Variants in TMEM132C observed in about 807,000 individuals in gnomAD.
The protein encoded by TMEM132C is protein phosphatase 1, regulatory subunit 152.
A neutral mutation model predicts 61.4 loss-of-function variants in TMEM132C; 29 were observed. The observed-to-expected ratio is 0.47, with a 90% CI of 0.35 to 0.64. The LOEUF (loss-of-function observed/expected upper bound fraction) is 0.64. Ranked by LOEUF, TMEM132C falls within the 30% of genes least tolerant of loss-of-function variation. The pLI is 0.00. For synonymous variants in TMEM132C, 656 were observed against 633.1 expected, an observed-to-expected ratio of 1.04 and a Z score of -0.54; for missense variants, 1,408 against 1,476.9, an observed-to-expected ratio of 0.95 and a Z score of 0.76.
chr12:128,543,920 C>T lies in TMEM132C; in HGVS notation c.975-37C>T, dbSNP rs774599484. Reference sequence around the variant, plus strand: ...GCACGTTGGAAAGGCCAAGCCTTAACCCTGTCTCTCTCTCTCTCCCATCTT... The same window carrying T: ...GCACGTTGGAAAGGCCAAGCCTTAATCCTGTCTCTCTCTCTCTCCCATCTT... On this transcript the variant is annotated intron_variant, in intron 2 of 8. Transcript: ENST00000435159. The T allele has an allele frequency of 1.2e-5, 19 of 1,539,308 alleles. No individual in the cohort carries two copies. The East Asian group carries it at 3.8e-4, about 30-fold the overall frequency.
rs1009886818 is a variant in TMEM132C at position 128,267,215 on chromosome 12, C to CGCCAGA, written c.-178_-173dup. Reference sequence around the variant, plus strand: ...GCGCGAGCAGCGGCGGAGCCGGAGCCGCCAGAGCCAGAGCCGGAGCTGCGG... The same window carrying CGCCAGA: ...GCGCGAGCAGCGGCGGAGCCGGAGCCGCCAGAGCCAGAGCCAGAGCCGGAGCTGCGG... On this transcript the variant is annotated 5_prime_UTR_variant, in exon 1 of 9. Transcript: ENST00000435159. 2.2e-4 allele frequency among the ~76,000 whole-genome samples: 33 copies of CGCCAGA among 146,910 alleles called. No homozygotes were observed. Among genetic ancestry groups the CGCCAGA allele is most frequent in the African/African-American group, 8.1e-4 (33 of 40,866 alleles).
intron 1 of TMEM132C, among the ~76,000 whole-genome samples, chr12:128,330,918 A>G (rs1446172338): frequency 1.3e-5 from 2 of 152,230 alleles, no homozygotes; most frequent in Admixed American, 6.5e-5. Context: ...TATACTTAAA[A>G]AGAGAGAATA....
chr12:128,433,589 T>C (rs1869472251), intron 2 of TMEM132C, among the ~76,000 whole-genome samples: 1 of 152,210 alleles, frequency 6.6e-6, no homozygotes, highest in Non-Finnish European at 1.5e-5. Flanking sequence ...AGATAAGTTT[T>C]CCTAAACTGG....
chr12:128,518,452 T>C (rs1872791441), intron 2 of TMEM132C, among the ~76,000 whole-genome samples: 1 of 152,176 alleles, frequency 6.6e-6, no homozygotes, highest in Admixed American at 6.5e-5. Flanking sequence ...TCTTAGAGAC[T>C]GAGGGTTGTT....
intron 1 of TMEM132C, among the ~76,000 whole-genome samples, chr12:128,343,154 G>A (rs1873032859): frequency 6.6e-6 from 1 of 152,140 alleles, no homozygotes; most frequent in Non-Finnish European, 1.5e-5. Context: ...GGCCAGGTGC[G>A]ATGGCTCATG....
chr12:128,452,219 C>T (rs965477829), intron 2 of TMEM132C, among the ~76,000 whole-genome samples: 2 of 151,822 alleles, frequency 1.3e-5, no homozygotes, highest in Admixed American at 6.6e-5. Context: ...CTCAGGCTCC[C>T]GAGTAATAGC....
intron 1 of TMEM132C, among the ~76,000 whole-genome samples, chr12:128,332,390 C>G (rs1426016722): frequency 6.6e-6 from 1 of 152,210 alleles, no homozygotes; most frequent in Non-Finnish European, 1.5e-5. Context: ...TTAAGAGCCA[C>G]ATCAGTTTTC....
chr12:128,498,874 G>T (rs917396892), intron 2 of TMEM132C, among the ~76,000 whole-genome samples: 1 of 152,008 alleles, frequency 6.6e-6, no homozygotes, highest in Non-Finnish European at 1.5e-5. Flanking sequence ...AATAAAAGAA[G>T]ATCTGAATAA....
In TMEM132C at chr12:128,340,751, TTTTC is replaced by T. The variant is rs932808184; in HGVS notation, c.85+73278_85+73281del. 2.7e-3 allele frequency among the ~76,000 whole-genome samples: 406 copies of T among 151,028 alleles called. 2 individuals carry two copies. The highest frequency in any genetic ancestry group is 8.9e-3 in the African/African-American group (363 of 40,878). On this transcript the variant is annotated intron_variant, in intron 1 of 8. Transcript: ENST00000435159. Reference sequence around the variant, plus strand: ...TTCCTTCCTTCCTTTCTTTTTTTCTTTTTCTTTCTTTCTTTCTATTTTTCTTTCT... The same window carrying T: ...TTCCTTCCTTCCTTTCTTTTTTTCTTTTTCTTTCTTTCTATTTTTCTTTCT...
At chr12:128,594,290 C>G (rs1161965737) in intron 3 of TMEM132C, among the ~76,000 whole-genome samples, 2 of 152,016 alleles carry the variant, frequency 1.3e-5, no homozygotes, top group East Asian at 3.9e-4. Flanking sequence ...GAGCATCACT[C>G]AGTGCTGAGC....
intron 1 of TMEM132C, among the ~76,000 whole-genome samples, chr12:128,391,894 A>G (rs1430880012): frequency 6.6e-6 from 1 of 152,124 alleles, no homozygotes; most frequent in Non-Finnish European, 1.5e-5. Flanking sequence ...TAGTCTTTAT[A>G]TTTTTTAATG....
Position 128,706,768 on chromosome 12 carries a change from C to G in TMEM132C, c.*473C>G, listed in dbSNP as rs1488467654. 2 of 153,418 alleles carry G rather than the reference C, an allele frequency of 1.3e-5. No individual in the cohort carries two copies. Among genetic ancestry groups the G allele is most frequent in the Non-Finnish European group, 2.9e-5 (2 of 68,886 alleles). 9.5% of individuals were successfully genotyped at this position (153,418 alleles called of 1,614,324 possible). A position where few individuals can be genotyped will look rare whatever the true frequency, so the allele number is the denominator to read the frequency against. On this transcript the variant is annotated 3_prime_UTR_variant, in exon 9 of 9. Transcript: ENST00000435159. ...TTCCAAGGACAGCCTTCAACTGTCA[C>G]CACACAGCTGGGGGGGAGTCATTTC...
At chr12:128,506,324 C>T (rs760380502) in intron 2 of TMEM132C, among the ~76,000 whole-genome samples, 1 of 152,140 alleles carries the variant, frequency 6.6e-6, no homozygotes, top group Non-Finnish European at 1.5e-5. Context: ...CCCTATGAAC[C>T]AGAAAAACAC....
intron 5 of TMEM132C, 106 bp downstream of exon 5, chr12:128,669,666 A>G (rs1195133568): frequency 7.4e-7 from 1 of 1,356,300 alleles, no homozygotes. Context: ...AACTATACAG[A>G]GGCTTATGTG....
Position 128,353,814 on chromosome 12 carries a change from G to T in TMEM132C, c.86-60918G>T, listed in dbSNP as rs1330003289. ...TGGGCTTCCTGTGAGAATTAAGTGA[G>T]GTGAAAGGTACCAAGTGCTGAAAAC... On this transcript the variant is annotated intron_variant, in intron 1 of 8. Coordinates refer to ENST00000435159, the MANE Select transcript of TMEM132C (RefSeq NM_001136103.3). Among the ~76,000 whole-genome samples the T allele has an allele frequency of 3.3e-5, 5 of 152,120 alleles. No homozygotes were observed. In the East Asian group the frequency reaches 9.6e-4, roughly 29 times the overall value.
At chr12:128,380,933 C>T (rs1026021832) in intron 1 of TMEM132C, among the ~76,000 whole-genome samples, 1 of 152,136 alleles carries the variant, frequency 6.6e-6, no homozygotes, top group East Asian at 1.9e-4. Context: ...GTAACTCATG[C>T]CTGAAGGAAG....
chr12:128,415,060 C>T lies in TMEM132C; in HGVS notation c.414C>T (p.Asp138=). 1 of 1,594,944 alleles carries T rather than the reference C, an allele frequency of 6.3e-7. No homozygotes were observed. The highest frequency in any genetic ancestry group is 8.5e-7 in the Non-Finnish European group (1 of 1,170,426). The stretch of plus-strand genomic sequence containing the variant: ...AACTAAAAGCCCACATCCTGCGGGA[C>T]AAAGTCTACCTGAGCCGGCCCAAAG... ...DWKLKAHILR[D]KVYLSRPKVQ... Residue 138 remains aspartate, a synonymous_variant, in exon 2 of 9, where the codon GAC becomes GAT. Coordinates refer to ENST00000435159, the MANE Select transcript of TMEM132C (RefSeq NM_001136103.3). This position sits in a 1 kb window ranked among gnomAD's most constrained non-coding sequence, Gnocchi z 5.8.
intron 1 of TMEM132C, among the ~76,000 whole-genome samples, chr12:128,349,889 G>C (rs185720730): frequency 4.7e-5 from 7 of 148,582 alleles, no homozygotes; most frequent in Admixed American, 2.0e-4. Context: ...AGTGCCTCTG[G>C]CTCTCTAAAT....
chr12:128,433,271 C>G (rs1217450108), intron 2 of TMEM132C, among the ~76,000 whole-genome samples: 1 of 152,060 alleles, frequency 6.6e-6, no homozygotes, highest in Non-Finnish European at 1.5e-5. Flanking sequence ...TGCAGTATCA[C>G]TGAGGTGTGT....
Sources: allele counts gnomAD v4.1 joint callset (sites outside exome capture counted in the v4.1 genomes callset), GRCh38; gene constraint gnomAD v4.1.1; non-coding constraint Gnocchi (gnomAD v3.1); transcripts MANE v1.5; gene names NCBI Gene and HGNC (gene_info 2026-07-23, HGNC 2026-07-21).